Variants in SLC30A5 observed in about 807,000 individuals in gnomAD.
SLC30A5 encodes the protein proton-coupled zinc antiporter SLC30A5.
A neutral mutation model predicts 79.6 loss-of-function variants in SLC30A5; 33 were observed. The ratio of observed to expected loss-of-function variants is 0.41; its 90% CI spans 0.31 to 0.55. The LOEUF (loss-of-function observed/expected upper bound fraction) is 0.55, where lower values mean the gene tolerates loss of function less well. Among genes scored for constraint, SLC30A5 ranks in the 20% least tolerant of loss-of-function variants. SLC30A5 has a pLI of 0.20. For missense variants in SLC30A5, 788 were observed against 928.1 expected (o/e 0.85, Z 1.96); for synonymous variants, 299 against 319.7 (o/e 0.94, Z 0.69).
At chr5:69,096,144 G>A (rs1745724221) in intron 1 of SLC30A5, among the ~76,000 whole-genome samples, 1 of 152,100 alleles carries the variant, frequency 6.6e-6, no homozygotes, top group Non-Finnish European at 1.5e-5. Context: ...CACGTTCTTG[G>A]GAAAAACAAG....
chr5:69,094,146 G>A lies in SLC30A5; in HGVS notation c.-110G>A, dbSNP rs1358796141. The A allele has an allele frequency of 7.5e-6, 4 of 536,122 alleles. No homozygotes were observed. Among genetic ancestry groups the A allele is most frequent in the Non-Finnish European group, 1.2e-5 (4 of 341,466 alleles). The allele number at this position is 536,122 out of a possible 1,614,324, so 33.2% of individuals were successfully genotyped here. A position where few individuals can be genotyped will look rare whatever the true frequency, so the allele number is the denominator to read the frequency against. ...CGGCCCGGCCTGCAGGAGCCCGACG[G>A]GGTCTCTGCCATGGGGGAGTGACGC... On this transcript the variant is annotated 5_prime_UTR_variant, in exon 1 of 16. Transcript: ENST00000396591.
rs140601540 is a variant in SLC30A5 at position 69,108,559 on chromosome 5, C to T, written c.447+123C>T. On this transcript the variant is annotated intron_variant, in intron 5 of 15. Transcript: ENST00000396591. ...GCAGGAGGCTGAGCGCGATGGCTCA[C>T]GCCTGTAATCCCAACACTGTGGGAG... The T allele has an allele frequency of 6.4e-4, 499 of 778,880 alleles. 3 individuals are homozygous for T. In the African/African-American group the frequency reaches 7.9e-3, roughly 12 times the overall value. The allele number at this position is 778,880 out of a possible 1,614,324, so 48.2% of individuals were successfully genotyped here.
At chr5:69,101,174 G>A (rs1745906024) in intron 2 of SLC30A5, among the ~76,000 whole-genome samples, 1 of 151,962 alleles carries the variant, frequency 6.6e-6, no homozygotes, top group African/African-American at 2.4e-5. Flanking sequence ...TGCAAATTTA[G>A]TTTTTGGGCT....
rs1156880315 is a variant in SLC30A5 at position 69,123,361 on chromosome 5, G to A, written c.1934G>A (p.Cys645Tyr). Residue 645 changes from cysteine (C) to tyrosine (Y), a missense_variant, in exon 14 of 16, where the codon TGC becomes TAC. This residue lies in a region of SLC30A5 where 158 missense variants were observed against 156.2 expected (regional missense o/e 1.01). Transcript: ENST00000396591. ...LSVVPLIKDA[C>Y]QVLLLRLPPE... is the part of the protein sequence containing the mutation. The stretch of plus-strand genomic sequence containing the variant: ...GTTGTTCCACTGATTAAAGATGCCT[G>A]CCAGGTTCTACTCCTGAGATTGCCA... 2 of 1,613,982 alleles carry A rather than the reference G, an allele frequency of 1.2e-6. No individual in the cohort carries two copies. The highest frequency in any genetic ancestry group is 3.3e-5 in the Admixed American group (2 of 60,006).
At chr5:69,126,641 G>C (rs1011003130) in intron 14 of SLC30A5, among the ~76,000 whole-genome samples, 13 of 151,752 alleles carry the variant, frequency 8.6e-5, no homozygotes, top group African/African-American at 3.1e-4. Flanking sequence ...GTGGTGGCAC[G>C]TGCCTGTAGT....
At position 69,104,659 on chromosome 5, in the gene SLC30A5, C is replaced by T; in HGVS notation, c.302C>T (p.Ala101Val). ...QWIKIFKHAV[A>V]GCIISLLWFF... ...ATCAAAATATTTAAACATGCAGTTGCTGGGTGTATTATTTCACTCTTGTGG... is the reference window on the plus strand; with the variant it reads ...ATCAAAATATTTAAACATGCAGTTGTTGGGTGTATTATTTCACTCTTGTGG... Residue 101 changes from alanine to valine, a missense_variant, in exon 4 of 16, where the codon GCT becomes GTT. This residue lies in a region of SLC30A5 where 626 missense variants were observed against 755.5 expected (regional missense o/e 0.83). Coordinates refer to ENST00000396591, the MANE Select transcript of SLC30A5 (RefSeq NM_022902.5). 3.2e-6 allele frequency: 5 copies of T among 1,550,652 alleles called. No homozygotes were observed. The highest frequency in any genetic ancestry group is 3.5e-6 in the Non-Finnish European group (4 of 1,151,378).
chr5:69,128,189 C>A, intron 15 of SLC30A5, 57 bp downstream of exon 15: 4 of 1,377,424 alleles, frequency 2.9e-6, no homozygotes, highest in East Asian at 2.6e-5. Context: ...CAAAATTGTA[C>A]ACCTCATAAG....
intron 14 of SLC30A5, among the ~76,000 whole-genome samples, chr5:69,123,731 G>T (rs532951816): frequency 6.6e-6 from 1 of 152,148 alleles, no homozygotes; most frequent in East Asian, 1.9e-4. Flanking sequence ...CAATTTAGTT[G>T]CCTTCATTGG....
At position 69,116,224 on chromosome 5, in the gene SLC30A5, C is replaced by T. The variant is rs17330153; in HGVS notation, c.1072+10C>T. On this transcript the variant is annotated intron_variant, in intron 9 of 15. Transcript: ENST00000396591. This position sits in a 1 kb window ranked among gnomAD's most constrained non-coding sequence, Gnocchi z 4.0. ...ATATTCTTCATTTTGTGTAAGCATT[C>T]CCCCCTTTTTTTTATTTTAACAAAT... The T allele has an allele frequency of 2.5e-4, 268 of 1,064,452 alleles. No homozygotes were observed. The highest frequency in any genetic ancestry group is 2.9e-4 in the Admixed American group (9 of 31,218). 65.9% of individuals were successfully genotyped at this position (1,064,452 alleles called of 1,614,324 possible).
At chr5:69,108,550 G>T in intron 5 of SLC30A5, 114 bp downstream of exon 5, 1 of 828,774 alleles carries the variant, frequency 1.2e-6, no homozygotes, top group Non-Finnish European at 2.0e-6. Flanking sequence ...GGCTGAGCGC[G>T]ATGGCTCACG....
intron 6 of SLC30A5, among the ~76,000 whole-genome samples, chr5:69,114,212 A>G (rs895808352): frequency 6.6e-6 from 1 of 152,184 alleles, no homozygotes; most frequent in African/African-American, 2.4e-5. Flanking sequence ...CAGGCATTCC[A>G]GTTTATAAAT....
At chr5:69,111,017 G>A (rs170893) in intron 5 of SLC30A5, among the ~76,000 whole-genome samples, 26,603 of 148,726 alleles carry the variant, frequency 0.18, 2,839 homozygotes, top group East Asian at 0.37. Context: ...TTTTTGAGAT[G>A]GAGTCTCACT....
At chr5:69,121,496 A>G (rs1746531952) in intron 12 of SLC30A5, among the ~76,000 whole-genome samples, 198 bp from the exon 13 acceptor site, 2 of 152,118 alleles carry the variant, frequency 1.3e-5, no homozygotes, top group South Asian at 4.1e-4. Flanking sequence ...TTGATATTTG[A>G]AAGTTAAAAT....
chr5:69,117,374 G>A lies in SLC30A5; in HGVS notation c.1417G>A (p.Ala473Thr), dbSNP rs1554053763. 2 of 1,613,958 alleles carry A rather than the reference G, an allele frequency of 1.2e-6. No homozygotes were observed. The highest frequency in any genetic ancestry group is 1.7e-6 in the Non-Finnish European group (2 of 1,179,968). The change falls in exon 11 of 16, where the codon GCC becomes ACC. Residue 473 changes from alanine (A) to threonine (T), a missense_variant. Physicochemically the swap from Ala to Thr is moderately conservative, Grantham distance 58. Coordinates refer to ENST00000396591, the MANE Select transcript of SLC30A5 (RefSeq NM_022902.5). ...TGCTGCCCTGATGAGTAGGTGGAAA[G>A]CCACTCGGATTTTCTCCTATGGGTA... ...LFAALMSRWK[A>T]TRIFSYGYGR...
chr5:69,121,780 A>G lies in SLC30A5; in HGVS notation c.1656A>G (p.Gln552=). 6 of 1,610,628 alleles carry G rather than the reference A, an allele frequency of 3.7e-6. No individual in the cohort carries two copies. The highest frequency in any genetic ancestry group is 5.1e-6 in the Non-Finnish European group (6 of 1,177,448). The part of the protein sequence containing the change: ...HAHSHAHGAS[Q]GSCHSSDHSH... ...ATAGCCATGCCCATGGAGCTTCTCA[A>G]GGAAGCTGTCACTCATCTGATCACA... The change falls in exon 13 of 16, where the codon CAA becomes CAG. Residue 552 remains glutamine (Q), a synonymous_variant. Coordinates refer to ENST00000396591, the MANE Select transcript of SLC30A5 (RefSeq NM_022902.5).
intron 6 of SLC30A5, among the ~76,000 whole-genome samples, chr5:69,114,141 A>G (rs771106225): frequency 6.6e-6 from 1 of 152,236 alleles, no homozygotes; most frequent in Non-Finnish European, 1.5e-5. Flanking sequence ...GTTAACTACT[A>G]AAATCTGGCA....
intron 12 of SLC30A5, among the ~76,000 whole-genome samples, chr5:69,119,769 C>G (rs1746485354): frequency 6.6e-6 from 1 of 152,106 alleles, no homozygotes; most frequent in African/African-American, 2.4e-5. Context: ...CCTGTAATCC[C>G]AGCACTTTGG....
chr5:69,119,514 A>C (rs1746478498), intron 12 of SLC30A5, among the ~76,000 whole-genome samples: 1 of 152,046 alleles, frequency 6.6e-6, no homozygotes, highest in African/African-American at 2.4e-5. Flanking sequence ...CATATTATTA[A>C]CTCTTAAGTT....
intron 8 of SLC30A5, 41 bp downstream of exon 8, chr5:69,115,448 T>C: frequency 6.8e-7 from 1 of 1,476,444 alleles, no homozygotes; most frequent in Admixed American, 1.9e-5. Context: ...AAATTGCTAG[T>C]AAAATGAATT....
Sources: allele counts gnomAD v4.1 joint callset (sites outside exome capture counted in the v4.1 genomes callset), GRCh38; gene constraint gnomAD v4.1.1; regional missense constraint gnomAD v4.1.1; non-coding constraint Gnocchi (gnomAD v3.1); transcripts MANE v1.5; gene names NCBI Gene and HGNC (gene_info 2026-07-23, HGNC 2026-07-21).